Variants in COPS6 observed in about 807,000 individuals in gnomAD.
COPS6 encodes COP9 signalosome subunit 6, also known as COP9 signalosome complex subunit 6.
In COPS6, 9 loss-of-function variants were observed where a neutral mutation model predicts 41.0. The observed-to-expected ratio is 0.22, with a 90% confidence interval of 0.13 to 0.38. The LOEUF is 0.38. COPS6 is among the 10% of genes least tolerant of loss of function. COPS6 has a pLI of 1.00. For synonymous variants in COPS6, 179 were observed against 162.9 expected (o/e 1.10, Z -0.75); for missense variants, 302 against 436.7 (o/e 0.69, Z 2.75).
chr7:100,091,230 C>T lies in COPS6; in HGVS notation c.650-8C>T, dbSNP rs773507610. 6.2e-7 allele frequency: 1 copy of T among 1,614,022 alleles called. No homozygotes were observed. Among genetic ancestry groups the T allele is most frequent in the Admixed American group, 1.7e-5 (1 of 60,028 alleles). ...TCTCAACCTCCTCCTGTCCTCATCCCCTTGCAGTGGCTGAACACCTGATAG... is the reference window on the plus strand; with the variant it reads ...TCTCAACCTCCTCCTGTCCTCATCCTCTTGCAGTGGCTGAACACCTGATAG... On this transcript the variant is annotated splice_polypyrimidine_tract_variant and splice_region_variant and intron_variant, in intron 7 of 9. Transcript: ENST00000303904. The surrounding 1 kb of genome is among the most constrained non-coding windows in gnomAD (Gnocchi z 4.1).
intron 1 of COPS6, 95 bp downstream of exon 1, chr7:100,089,161 G>A (rs1442824151): frequency 1.3e-6 from 2 of 1,508,382 alleles, no homozygotes; most frequent in Non-Finnish European, 1.8e-6. Context: ...GGGCGGAGCA[G>A]CAACATCTTT....
At position 100,091,777 on chromosome 7, in the gene COPS6, GCT is replaced by G. The variant is rs1795327779; in HGVS notation, c.975_976del (p.Phe327LeufsTer32). The G allele has an allele frequency of 6.2e-7, 1 of 1,614,216 alleles. No individual in the cohort carries two copies. Among genetic ancestry groups the G allele is most frequent in the Non-Finnish European group, 8.5e-7 (1 of 1,180,048 alleles). ...AAGGCATCGGCAGGAGAATGCGCGGGCTCTTTTTCTGATGAGGGTACTTGAAG... is the reference window on the plus strand; with the variant it reads ...AAGGCATCGGCAGGAGAATGCGCGGGCTTTTTCTGATGAGGGTACTTGAAG... ...RQGIGRRMRG[L>X]FF On this transcript the variant is annotated frameshift_variant, in exon 10 of 10. Coordinates refer to ENST00000303904, the MANE Select transcript of COPS6 (RefSeq NM_006833.5). LOFTEE classifies it high-confidence loss of function. This position sits in a 1 kb window ranked among gnomAD's most constrained non-coding sequence, Gnocchi z 4.1.
chr7:100,091,374 G>A lies in COPS6; in HGVS notation c.742+44G>A. The A allele has an allele frequency of 1.2e-6, 2 of 1,613,042 alleles. No individual in the cohort carries two copies. Among genetic ancestry groups the A allele is most frequent in the Non-Finnish European group, 1.7e-6 (2 of 1,178,976 alleles). On this transcript the variant is annotated intron_variant, in intron 8 of 9. Coordinates refer to ENST00000303904, the MANE Select transcript of COPS6 (RefSeq NM_006833.5). The surrounding 1 kb of genome is among the most constrained non-coding windows in gnomAD (Gnocchi z 4.1). ...TGGCATTCTTCCTCTCCCTCCTGGG[G>A]AAGTGACAGCATCCAAACTAATGTA...
At position 100,090,503 on chromosome 7, in the gene COPS6, C is replaced by T; in HGVS notation, c.423+16C>T. ...CCATAAGCAGGTATGCATGCTCACA[C>T]CTGTGCATGCTGGGGCAGAGAATGG... On this transcript the variant is annotated intron_variant, in intron 4 of 9. Transcript: ENST00000303904. The T allele has an allele frequency of 6.2e-7, 1 of 1,610,080 alleles. No individual in the cohort carries two copies. Among genetic ancestry groups the T allele is most frequent in the Non-Finnish European group, 8.5e-7 (1 of 1,176,306 alleles).
chr7:100,090,349 GAAAAAA>G, intron 3 of COPS6, 44 bp from the exon 4 acceptor site: 1 of 1,168,594 alleles, frequency 8.6e-7, no homozygotes, highest in Non-Finnish European at 1.2e-6. Context: ...TTCCGTCTCA[GAAAAAA>G]AAAAAAAAAG....
rs746155068 is a variant in COPS6 at position 100,091,526 on chromosome 7, T to G, written c.843+6T>G. ...TCAAGACAGATTTTTATGATGTGAG[T>G]GTAAAACCCGGATGGGGAGGCGGGG... is the stretch of plus-strand genomic sequence containing the variant. On this transcript the variant is annotated splice_donor_region_variant and intron_variant, in intron 9 of 9. Transcript: ENST00000303904. This position sits in a 1 kb window ranked among gnomAD's most constrained non-coding sequence, Gnocchi z 4.1. 3 of 1,613,836 alleles carry G rather than the reference T, an allele frequency of 1.9e-6. No homozygotes were observed. The Admixed American group carries it at 5.0e-5, about 27-fold the overall frequency.
Position 100,091,649 on chromosome 7 carries a change from C to G in COPS6, c.844C>G (p.Gln282Glu). 3 of 1,614,214 alleles carry G rather than the reference C, an allele frequency of 1.9e-6. No homozygotes were observed. The highest frequency in any genetic ancestry group is 2.5e-6 in the Non-Finnish European group (3 of 1,180,042). ...TDKFKTDFYD[Q>E]CNDVGLMAYL... Reference sequence around the variant, plus strand: ...ACTGGTCCTTTCTGTTCCCTCCCAGCAATGCAACGACGTGGGGCTCATGGC... The same window carrying G: ...ACTGGTCCTTTCTGTTCCCTCCCAGGAATGCAACGACGTGGGGCTCATGGC... The change falls in exon 10 of 10, where the codon CAA becomes GAA. Residue 282 changes from glutamine to glutamate, a missense_variant and splice_region_variant. Physicochemically the swap from Gln to Glu is conservative, Grantham distance 29. Coordinates refer to ENST00000303904, the MANE Select transcript of COPS6 (RefSeq NM_006833.5). The surrounding 1 kb of genome is among the most constrained non-coding windows in gnomAD (Gnocchi z 4.1).
In COPS6 at chr7:100,089,126, C is replaced by T. The variant is rs940132923; in HGVS notation, c.76+60C>T. 67 of 1,460,392 alleles carry T rather than the reference C, an allele frequency of 4.6e-5. 1 individual carries two copies. The African/African-American group carries it at 8.9e-4, about 19-fold the overall frequency. 90.5% of individuals were successfully genotyped at this position (1,460,392 alleles called of 1,614,324 possible). A position where few individuals can be genotyped will look rare whatever the true frequency, so the allele number is the denominator to read the frequency against. On this transcript the variant is annotated intron_variant, in intron 1 of 9. Transcript: ENST00000303904. The stretch of plus-strand genomic sequence containing the variant: ...TCCTTCAGGGGTTCGTTGAGGCCTC[C>T]CTGTGCTCCCGGGAGAAGGGAGGAG...
At position 100,089,712 on chromosome 7, in the gene COPS6, T is replaced by C. The variant is rs1365258933; in HGVS notation, c.300T>C (p.Ile100=). ...ACACCGTGGAAGAGAAGATTATCAT[T>C]GACAAGGAATATTATTACACCAAGG... The part of the protein sequence containing the change: ...LSHTVEEKII[I]DKEYYYTKEE... The change falls in exon 3 of 10, where the codon ATT becomes ATC. Residue 100 remains isoleucine, a synonymous_variant. Coordinates refer to ENST00000303904, the MANE Select transcript of COPS6 (RefSeq NM_006833.5). 6.8e-6 allele frequency: 11 copies of C among 1,613,678 alleles called. No individual in the cohort carries two copies. Among genetic ancestry groups the C allele is most frequent in the Non-Finnish European group, 9.3e-6 (11 of 1,179,952 alleles).
Position 100,091,286 on chromosome 7 carries a change from G to A in COPS6, c.698G>A (p.Ser233Asn), listed in dbSNP as rs753019844. 1 of 1,614,180 alleles carries A rather than the reference G, an allele frequency of 6.2e-7. No homozygotes were observed. Among genetic ancestry groups the A allele is most frequent in the Admixed American group, 1.7e-5 (1 of 60,030 alleles). Residue 233 changes from serine to asparagine, a missense_variant, in exon 8 of 10, where the codon AGC (serine) becomes AAC (asparagine). By Grantham distance (46) the Ser-to-Asn change is conservative. Coordinates refer to ENST00000303904, the MANE Select transcript of COPS6 (RefSeq NM_006833.5). This position sits in a 1 kb window ranked among gnomAD's most constrained non-coding sequence, Gnocchi z 4.1. ...CACAGCGCCATCAAGATGCTGCACA[G>A]CCGCGTCAAGCTCATCTTGGAGTAC... ...AQHSAIKMLHSRVKLILEYVK... is the reference protein window; with the variant it reads ...AQHSAIKMLHNRVKLILEYVK...
At position 100,091,534 on chromosome 7, in the gene COPS6, C is replaced by T; in HGVS notation, c.843+14C>T. ...GATTTTTATGATGTGAGTGTAAAAC[C>T]CGGATGGGGAGGCGGGGCTTATGCT... On this transcript the variant is annotated intron_variant, in intron 9 of 9. Transcript: ENST00000303904. This position sits in a 1 kb window ranked among gnomAD's most constrained non-coding sequence, Gnocchi z 4.1. 6.2e-7 allele frequency: 1 copy of T among 1,613,824 alleles called. No homozygotes were observed. The highest frequency in any genetic ancestry group is 8.5e-7 in the Non-Finnish European group (1 of 1,179,752).
chr7:100,089,211 C>A, intron 1 of COPS6, 79 bp from the exon 2 acceptor site: 2 of 1,541,602 alleles, frequency 1.3e-6, no homozygotes, highest in Non-Finnish European at 1.8e-6. Context: ...GGCCCGGGCT[C>A]CGCCGTCCCC....
In COPS6 at chr7:100,091,661, G is replaced by C. The variant is rs764018352; in HGVS notation, c.856G>C (p.Val286Leu). The C allele has an allele frequency of 6.2e-7, 1 of 1,614,220 alleles. No individual in the cohort carries two copies. Among genetic ancestry groups the C allele is most frequent in the Non-Finnish European group, 8.5e-7 (1 of 1,180,052 alleles). The change falls in exon 10 of 10, where the codon GTG becomes CTG. Residue 286 changes from valine to leucine, a missense_variant. Coordinates refer to ENST00000303904, the MANE Select transcript of COPS6 (RefSeq NM_006833.5). The surrounding 1 kb of genome is among the most constrained non-coding windows in gnomAD (Gnocchi z 4.1). The part of the protein sequence containing the change: ...KTDFYDQCND[V>L]GLMAYLGTIT... The stretch of plus-strand genomic sequence containing the variant: ...TGTTCCCTCCCAGCAATGCAACGAC[G>C]TGGGGCTCATGGCCTACCTCGGCAC...
intron 2 of COPS6, 45 bp downstream of exon 2, chr7:100,089,460 C>T (rs764743282): frequency 1.9e-6 from 3 of 1,611,762 alleles, no homozygotes; most frequent in South Asian, 2.2e-5. Context: ...TTGCTCACCT[C>T]CCCCAGGCAG....
rs1466031667 is a variant in COPS6, at chr7:100,091,890, G to A, written c.*101G>A. The A allele has an allele frequency of 2.0e-6, 3 of 1,503,060 alleles. No homozygotes were observed. Among genetic ancestry groups the A allele is most frequent in the African/African-American group, 2.8e-5 (2 of 72,544 alleles). 93.1% of individuals were successfully genotyped at this position (1,503,060 alleles called of 1,614,324 possible). A position where few individuals can be genotyped will look rare whatever the true frequency, so the allele number is the denominator to read the frequency against. On this transcript the variant is annotated 3_prime_UTR_variant, in exon 10 of 10. Transcript: ENST00000303904. This position sits in a 1 kb window ranked among gnomAD's most constrained non-coding sequence, Gnocchi z 4.1. ...GAAACCGCTGTCATTAATAAAAGGGGAGCAGCCCCTGAGCACCCCTGCTGG... is the reference window on the plus strand; with the variant it reads ...GAAACCGCTGTCATTAATAAAAGGGAAGCAGCCCCTGAGCACCCCTGCTGG...
In COPS6 at chr7:100,091,868, A is replaced by G. The variant is rs1795331257; in HGVS notation, c.*79A>G. 6.3e-7 allele frequency: 1 copy of G among 1,578,338 alleles called. No homozygotes were observed. The highest frequency in any genetic ancestry group is 8.7e-7 in the Non-Finnish European group (1 of 1,153,956). On this transcript the variant is annotated 3_prime_UTR_variant, in exon 10 of 10. Transcript: ENST00000303904. This position sits in a 1 kb window ranked among gnomAD's most constrained non-coding sequence, Gnocchi z 4.1. ...AGGGCACTACACTTCCTTGAGAGAA[A>G]CCGCTGTCATTAATAAAAGGGGAGC...
Position 100,090,665 on chromosome 7 carries a change from C to T in COPS6, c.486+11C>T. 1.9e-6 allele frequency: 3 copies of T among 1,610,960 alleles called. No homozygotes were observed. Among genetic ancestry groups the T allele is most frequent in the Non-Finnish European group, 1.7e-6 (2 of 1,177,112 alleles). On this transcript the variant is annotated intron_variant, in intron 5 of 9. Coordinates refer to ENST00000303904, the MANE Select transcript of COPS6 (RefSeq NM_006833.5). ...ACCAAGCACACAGATGTGAGTAATACTCCATGCCTACTCTGTCATGATTGT... is the reference window on the plus strand; with the variant it reads ...ACCAAGCACACAGATGTGAGTAATATTCCATGCCTACTCTGTCATGATTGT...
chr7:100,090,270 C>A (rs541224538), intron 3 of COPS6, 129 bp from the exon 4 acceptor site: 233 of 667,712 alleles, frequency 3.5e-4, no homozygotes, highest in Non-Finnish European at 5.3e-4. Context: ...ATTGCTTGAA[C>A]CTGGGAGGCG....
rs1353523989 is a variant in COPS6 at position 100,089,012 on chromosome 7, G to A, written c.22G>A (p.Ala8Thr). 7 of 1,314,288 alleles carry A rather than the reference G, an allele frequency of 5.3e-6. No individual in the cohort carries two copies. Among genetic ancestry groups the A allele is most frequent in the Non-Finnish European group, 6.8e-6 (7 of 1,028,842 alleles). 81.4% of individuals were successfully genotyped at this position (1,314,288 alleles called of 1,614,324 possible). A position where few individuals can be genotyped will look rare whatever the true frequency, so the allele number is the denominator to read the frequency against. MAAAAAA[A>T]AATNGTGGSS... is the part of the protein sequence containing the mutation. ...GAAAATGGCGGCGGCGGCGGCGGCG[G>A]CTGCAGCTACGAACGGGACCGGAGG... The change falls in exon 1 of 10, where the codon GCT becomes ACT. Residue 8 changes from alanine (A) to threonine (T), a missense_variant. Around this residue, in one of 3 missense-constraint regions of COPS6, gnomAD observed 76 missense variants for 97.9 expected, o/e 0.78. Coordinates refer to ENST00000303904, the MANE Select transcript of COPS6 (RefSeq NM_006833.5).
Sources: gnomAD v4.1 joint callset for allele counts on GRCh38, gnomAD v4.1.1 for gene constraint, gnomAD v4.1.1 regional missense constraint, Gnocchi (gnomAD v3.1) non-coding constraint, MANE v1.5 for transcripts, NCBI Gene and HGNC (gene_info 2026-07-23, HGNC 2026-07-21) for gene names.